Variants in MELK observed in about 807,000 individuals in gnomAD.
MELK encodes the protein maternal embryonic leucine zipper kinase.
MELK carries 81 observed loss-of-function variants against 85.0 expected under a neutral mutation model. That is an observed-to-expected ratio of 0.95 (90% CI 0.80 to 1.15). MELK has a LOEUF of 1.15. MELK is among the 50% of genes most tolerant of loss of function. MELK has a pLI of 0.00. For missense variants in MELK, 754 were observed against 777.5 expected (o/e 0.97, Z 0.36); for synonymous variants, 252 against 265.0 (o/e 0.95, Z 0.48).
At chr9:36,599,356 G>A (rs769883703) in intron 6 of MELK, 38 bp from the exon 7 acceptor site, 9 of 1,238,040 alleles carry the variant, frequency 7.3e-6, no homozygotes, top group Admixed American at 1.9e-5. Context: ...TCTCTTAAGC[G>A]TTGTAATTAA....
intron 3 of MELK, among the ~76,000 whole-genome samples, chr9:36,584,494 A>ATTTT (rs1015431561): frequency 3.4e-5 from 3 of 88,650 alleles, no homozygotes; most frequent in African/African-American, 1.3e-4. Flanking sequence ...ATTTTTTTGT[A>ATTTT]TTTTTTTTTT....
At chr9:36,574,430 C>CAAAAAAAA (rs78915626) in intron 1 of MELK, among the ~76,000 whole-genome samples, 476 of 79,736 alleles carry the variant, frequency 6.0e-3, no homozygotes, top group Middle Eastern at 7.4e-3. Flanking sequence ...ACTAAAAATA[C>CAAAAAAAA]AAAAAAAAAA....
rs1045751226 is a variant in MELK at position 36,677,418 on chromosome 9, A to G, written c.*81A>G. On this transcript the variant is annotated 3_prime_UTR_variant, in exon 18 of 18. Coordinates refer to ENST00000298048, the MANE Select transcript of MELK (RefSeq NM_014791.4). ...AGACTGTTATGATCGCTTTGATTTT[A>G]AAGTTCATTGGAACTACCAACTTGT... is the stretch of plus-strand genomic sequence containing the variant. 7.6e-7 allele frequency: 1 copy of G among 1,323,944 alleles called. No homozygotes were observed. Among genetic ancestry groups the G allele is most frequent in the Non-Finnish European group, 1.0e-6 (1 of 999,622 alleles). 82.0% of individuals were successfully genotyped at this position (1,323,944 alleles called of 1,614,324 possible). A position where few individuals can be genotyped will look rare whatever the true frequency, so the allele number is the denominator to read the frequency against.
At position 36,657,250 on chromosome 9, in the gene MELK, TG is replaced by T; in HGVS notation, c.1065del (p.Trp355Ter). The T allele has an allele frequency of 6.2e-7, 1 of 1,611,154 alleles. No individual in the cohort carries two copies. Among genetic ancestry groups the T allele is most frequent in the Non-Finnish European group, 8.5e-7 (1 of 1,179,260 alleles). Reference sequence around the variant, plus strand: ...GTCTTTCATTGAGTAGTCAAATAATTGGAGTCTGGAAGATGTGACCGCAAGT... The same window carrying T: ...GTCTTTCATTGAGTAGTCAAATAATTGAGTCTGGAAGATGTGACCGCAAGT... Reference protein sequence around the residue: ...TPFTDIKSNNWSLEDVTASDK... With the variant: ...TPFTDIKSNNXSLEDVTASDK... On this transcript the variant is annotated frameshift_variant, in exon 13 of 18. Coordinates refer to ENST00000298048, the MANE Select transcript of MELK (RefSeq NM_014791.4). LOFTEE classifies it high-confidence loss of function.
At position 36,611,046 on chromosome 9, in the gene MELK, C is replaced by T. The variant is rs778305096; in HGVS notation, c.666+3373C>T. ...TGGAGCATTTCAGGTTTTGGATTTT[C>T]GGATTTGGCATATTCAGTCAGTAAG... On this transcript the variant is annotated intron_variant, in intron 8 of 17. Transcript: ENST00000298048. Among the ~76,000 whole-genome samples, 7 of 152,088 alleles carry T rather than the reference C, an allele frequency of 4.6e-5. No homozygotes were observed. In the South Asian group the frequency reaches 6.2e-4, roughly 14 times the overall value.
chr9:36,652,294 G>A (rs1190959444), intron 12 of MELK, among the ~76,000 whole-genome samples: 1 of 151,114 alleles, frequency 6.6e-6, no homozygotes, highest in Non-Finnish European at 1.5e-5. Context: ...TGATCAGCCT[G>A]CCTCGGCCTC....
At chr9:36,641,795 CG>C (rs1211776827) in intron 10 of MELK, among the ~76,000 whole-genome samples, 1 of 151,828 alleles carries the variant, frequency 6.6e-6, no homozygotes, top group African/African-American at 2.4e-5. Flanking sequence ...TTAGTAGAGA[CG>C]GGGTTTCTCC....
At chr9:36,649,257 C>T (rs1386465795) in intron 11 of MELK, among the ~76,000 whole-genome samples, 2 of 152,112 alleles carry the variant, frequency 1.3e-5, no homozygotes, top group South Asian at 2.1e-4. Flanking sequence ...GAGGCCAGCG[C>T]GGGCAGATCA....
rs377593901 is a variant in MELK, at chr9:36,573,381, C to T, written c.-39+374C>T. On this transcript the variant is annotated intron_variant, in intron 1 of 17. Transcript: ENST00000298048. ...TCGAGTTTTTTCTGTTTGTACAACT[C>T]AGTTTACTGGGGCAGTGCAATAAAA... is the stretch of plus-strand genomic sequence containing the variant. 4.1e-4 allele frequency among the ~76,000 whole-genome samples: 63 copies of T among 152,290 alleles called. 3 individuals are homozygous for T. In the South Asian group the frequency reaches 0.011, roughly 27 times the overall value.
Position 36,633,195 on chromosome 9 carries a change from A to G in MELK, c.829A>G (p.Asn277Asp), listed in dbSNP as rs759495589. 3.8e-6 allele frequency: 6 copies of G among 1,594,400 alleles called. No individual in the cohort carries two copies. The highest frequency in any genetic ancestry group is 4.3e-6 in the Non-Finnish European group (5 of 1,174,102). Residue 277 changes from asparagine (N) to aspartate (D), a missense_variant, in exon 10 of 18, where the codon AAT becomes GAT. Transcript: ENST00000298048. ...YNYPVEWQSKNPFIHLDDDCV... is the reference protein window; with the variant it reads ...YNYPVEWQSKDPFIHLDDDCV... Reference sequence around the variant, plus strand: ...CTATCCTGTTGAGTGGCAAAGCAAGAATCCTGTAAGTAAAATGAAATCCAG... The same window carrying G: ...CTATCCTGTTGAGTGGCAAAGCAAGGATCCTGTAAGTAAAATGAAATCCAG...
chr9:36,637,382 C>CG (rs1285052116), intron 10 of MELK, among the ~76,000 whole-genome samples: 1 of 152,208 alleles, frequency 6.6e-6, no homozygotes, highest in Non-Finnish European at 1.5e-5. Flanking sequence ...CATTGCTTTA[C>CG]ATCTTTGCCA....
At chr9:36,630,063 T>C in intron 8 of MELK, 1 of 429,286 alleles carries the variant, frequency 2.3e-6, no homozygotes. Flanking sequence ...CAGGCTGGTC[T>C]TGAACTCCTG....
In MELK at chr9:36,596,865, C is replaced by T. The variant is rs543424666; in HGVS notation, c.406-357C>T. Reference sequence around the variant, plus strand: ...CCTCCCAAAGTGCTGGGATTACAGGCGTGAGCCATTGTGCCCAGCCCTTCT... The same window carrying T: ...CCTCCCAAAGTGCTGGGATTACAGGTGTGAGCCATTGTGCCCAGCCCTTCT... On this transcript the variant is annotated intron_variant, in intron 5 of 17. Transcript: ENST00000298048. 8.4e-4 allele frequency among the ~76,000 whole-genome samples: 128 copies of T among 152,338 alleles called. 1 individual carries two copies. The South Asian group carries it at 0.021, about 25-fold the overall frequency.
chr9:36,574,764 A>G (rs909208390), intron 1 of MELK, among the ~76,000 whole-genome samples: 1 of 152,170 alleles, frequency 6.6e-6, no homozygotes, highest in East Asian at 1.9e-4. Context: ...AAATGCCCCC[A>G]ATTTGTTGCT....
chr9:36,674,785 T>A (rs1833194004), intron 16 of MELK, 49 bp from the exon 17 acceptor site: 1 of 1,086,716 alleles, frequency 9.2e-7, no homozygotes. Flanking sequence ...TGATGGTCTT[T>A]GTGTTGATGT....
At chr9:36,637,989 A>C (rs1829374332) in intron 10 of MELK, among the ~76,000 whole-genome samples, 1 of 152,216 alleles carries the variant, frequency 6.6e-6, no homozygotes, top group South Asian at 2.1e-4. Context: ...GCAGTGTAGC[A>C]GCAGAACCAG....
At chr9:36,628,424 G>T (rs890445480) in intron 8 of MELK, among the ~76,000 whole-genome samples, 1 of 151,840 alleles carries the variant, frequency 6.6e-6, no homozygotes, top group African/African-American at 2.4e-5. Context: ...CTTTGTTAAT[G>T]AATTTTTTTT....
chr9:36,624,083 C>CTT lies in MELK; in HGVS notation c.667-6199_667-6198dup, dbSNP rs774510229. Among the ~76,000 whole-genome samples the CTT allele has an allele frequency of 3.4e-3, 449 of 132,912 alleles. 6 individuals carry two copies. The highest frequency in any genetic ancestry group is 0.012 in the Middle Eastern group (3 of 258). 87.2% of individuals were successfully genotyped at this position (132,912 alleles called of 152,430 possible). Reference sequence around the variant, plus strand: ...TGCAGTAGGTATCGTTATTATACTTCTTTTTTTTTTTTTTTTTTGAGATGG... The same window carrying CTT: ...TGCAGTAGGTATCGTTATTATACTTCTTTTTTTTTTTTTTTTTTTTGAGATGG... On this transcript the variant is annotated intron_variant, in intron 8 of 17. Coordinates refer to ENST00000298048, the MANE Select transcript of MELK (RefSeq NM_014791.4).
At chr9:36,665,630 T>C (rs2137844957) in intron 14 of MELK, 49 bp downstream of exon 14, 1 of 1,436,742 alleles carries the variant, frequency 7.0e-7, no homozygotes, top group Non-Finnish European at 9.6e-7. Flanking sequence ...TTTCTTACCA[T>C]GTTAAGTAAA....
Sources: gnomAD v4.1 joint callset for allele counts (sites outside exome capture counted in the v4.1 genomes callset) on GRCh38, gnomAD v4.1.1 for gene constraint, MANE v1.5 for transcripts, NCBI Gene and HGNC (gene_info 2026-07-23, HGNC 2026-07-21) for gene names.